The following KIAA1549 variants were observed in gnomAD, a reference collection of about 807,000 sequenced individuals.
KIAA1549 encodes the protein KIAA1549, also known as UPF0606 protein KIAA1549.
Under a neutral mutation model 156.4 loss-of-function variants are expected in KIAA1549, and 70 were observed. The ratio of observed to expected loss-of-function variants is 0.45; its 90% confidence interval spans 0.37 to 0.55. The LOEUF is 0.55. KIAA1549 is among the 20% of genes least tolerant of loss of function. The pLI, the probability that KIAA1549 is intolerant of heterozygous loss-of-function variation, is 0.00. For missense variants in KIAA1549, 2,428 were observed against 2,540.9 expected (o/e 0.96, Z 0.96); for synonymous variants, 1,103 against 1,066.4 (o/e 1.03, Z -0.67).
chr7:138,915,391 T>C (rs1211415458), intron 2 of KIAA1549, among the ~76,000 whole-genome samples: 1 of 152,046 alleles, frequency 6.6e-6, no homozygotes, highest in Non-Finnish European at 1.5e-5. Context: ...ACCTCACACA[T>C]ACTAGGTGCT....
chr7:138,967,437 G>C (rs1316140113), intron 1 of KIAA1549, among the ~76,000 whole-genome samples: 1 of 152,178 alleles, frequency 6.6e-6, no homozygotes, highest in African/African-American at 2.4e-5. Context: ...GAAAGTTCTA[G>C]GCAGAGGGAA....
chr7:138,915,646 C>A (rs1171706592), intron 2 of KIAA1549, among the ~76,000 whole-genome samples: 1 of 152,060 alleles, frequency 6.6e-6, no homozygotes, highest in African/African-American at 2.4e-5. Flanking sequence ...TCCTTCTCCC[C>A]CTTCCACATT....
chr7:138,903,794 T>C (rs1387875760), intron 7 of KIAA1549, 58 bp from the exon 8 acceptor site: 8 of 10,866 alleles, frequency 7.4e-4, no homozygotes, highest in Non-Finnish European at 1.2e-3. Flanking sequence ...AAAAAAACAG[T>C]GTGTGTGTGT....
chr7:138,905,077 G>A lies in KIAA1549; in HGVS notation c.3465C>T (p.Phe1155=), dbSNP rs1382020426. ...GAGATAAGTTGAGCTGTGGATACTGGAAGGCTACAAAAGGGAAAGAATTAG... is the reference window on the plus strand; with the variant it reads ...GAGATAAGTTGAGCTGTGGATACTGAAAGGCTACAAAAGGGAAAGAATTAG... The part of the protein sequence containing the change: ...GYPVLQIAEP[F]QYPQLNLSQL... Residue 1155 remains phenylalanine (F), a synonymous_variant, in exon 7 of 20, where the codon TTC becomes TTT. Coordinates refer to ENST00000422774, the MANE Select transcript of KIAA1549 (RefSeq NM_001164665.2). The A allele has an allele frequency of 1.3e-6, 2 of 1,571,608 alleles. No homozygotes were observed. The highest frequency in any genetic ancestry group is 1.3e-5 in the African/African-American group (1 of 74,094).
chr7:138,881,754 A>G (rs1159502627), intron 10 of KIAA1549, among the ~76,000 whole-genome samples, 170 bp from the exon 11 acceptor site: 1 of 152,224 alleles, frequency 6.6e-6, no homozygotes, highest in Non-Finnish European at 1.5e-5. Context: ...GAGTTCCAGG[A>G]GAAGACAGGC....
chr7:138,904,020 C>T (rs995019948), intron 7 of KIAA1549, among the ~76,000 whole-genome samples: 2 of 152,176 alleles, frequency 1.3e-5, no homozygotes, highest in Non-Finnish European at 2.9e-5. Context: ...CCCAGACTGG[C>T]GGCCAGAAGT....
chr7:138,930,299 CAG>C (rs1812834649), intron 1 of KIAA1549, among the ~76,000 whole-genome samples: 1 of 152,146 alleles, frequency 6.6e-6, no homozygotes, highest in Admixed American at 6.6e-5. Context: ...TTAAGGGCCC[CAG>C]ACTTTTCAGA....
In KIAA1549 at chr7:138,861,305, G is replaced by A. The variant is rs1810566526; in HGVS notation, c.5081C>T (p.Ala1694Val). 1 of 1,609,142 alleles carries A rather than the reference G, an allele frequency of 6.2e-7. No individual in the cohort carries two copies. ...GCTGCTGGGGGCCACGAGGGCAAAGGCGTCGTCCAGGAGGGAGTGCATGGT... is the reference window on the plus strand; with the variant it reads ...GCTGCTGGGGGCCACGAGGGCAAAGACGTCGTCCAGGAGGGAGTGCATGGT... Reference protein sequence around the residue: ...RQTMHSLLDDAFALVAPSSQP... With the variant: ...RQTMHSLLDDVFALVAPSSQP... Residue 1694 changes from alanine (A) to valine (V), a missense_variant, in exon 16 of 20, where the codon GCC becomes GTC. Physicochemically the swap from Ala to Val is moderately conservative, Grantham distance 64. Around this residue, in one of 5 missense-constraint regions of KIAA1549, gnomAD observed 363 missense variants for 354.0 expected, o/e 1.03. Transcript: ENST00000422774.
At chr7:138,862,434 G>T (rs1332974562) in intron 15 of KIAA1549, among the ~76,000 whole-genome samples, 3 of 151,486 alleles carry the variant, frequency 2.0e-5, no homozygotes, top group Non-Finnish European at 4.4e-5. Context: ...AGCCCAGGAG[G>T]TCGAGGTTGC....
At chr7:138,844,107 G>C (rs1261064617) in intron 18 of KIAA1549, among the ~76,000 whole-genome samples, 2 of 152,100 alleles carry the variant, frequency 1.3e-5, no homozygotes, top group Middle Eastern at 3.2e-3. Flanking sequence ...TCACATGAAG[G>C]GCCTGGTTCC....
chr7:138,841,134 C>T (rs1048063916), intron 18 of KIAA1549, among the ~76,000 whole-genome samples: 5 of 152,052 alleles, frequency 3.3e-5, no homozygotes, highest in African/African-American at 1.2e-4. Context: ...AGGAGCAGCT[C>T]ATTTATTAAG....
intron 10 of KIAA1549, among the ~76,000 whole-genome samples, chr7:138,890,318 T>C (rs764387060): frequency 6.6e-6 from 1 of 151,914 alleles, no homozygotes; most frequent in Non-Finnish European, 1.5e-5. Context: ...TGGGAAGGAG[T>C]TGAGATGACA....
Position 138,908,960 on chromosome 7 carries a change from C to T in KIAA1549, c.3276+31G>A, listed in dbSNP as rs376773173. ...ACAATTTCCCCTTCAAGGGCTAAAG[C>T]CTTCTGCTCTGCATTCAGTGATATT... On this transcript the variant is annotated intron_variant, in intron 5 of 19. Coordinates refer to ENST00000422774, the MANE Select transcript of KIAA1549 (RefSeq NM_001164665.2). 53 of 1,612,202 alleles carry T rather than the reference C, an allele frequency of 3.3e-5. No individual in the cohort carries two copies. The African/African-American group carries it at 6.9e-4, about 21-fold the overall frequency.
intron 1 of KIAA1549, among the ~76,000 whole-genome samples, chr7:138,942,934 G>A (rs2130526292): frequency 6.6e-6 from 1 of 151,524 alleles, no homozygotes; most frequent in Non-Finnish European, 1.5e-5. Flanking sequence ...TAAGCTGGAG[G>A]TTGGACCAGA....
At chr7:138,855,363 G>T (rs753412327) in intron 16 of KIAA1549, among the ~76,000 whole-genome samples, 1 of 152,206 alleles carries the variant, frequency 6.6e-6, no homozygotes, top group Non-Finnish European at 1.5e-5. Context: ...CCTATCAGCT[G>T]CCATGCTGTG....
Position 138,903,660 on chromosome 7 carries a change from C to A in KIAA1549, c.3597G>T (p.Leu1199=). 1 of 1,612,614 alleles carries A rather than the reference C, an allele frequency of 6.2e-7. No homozygotes were observed. The highest frequency in any genetic ancestry group is 8.5e-7 in the Non-Finnish European group (1 of 1,179,416). The change falls in exon 8 of 20, where the codon CTG becomes CTT. Residue 1199 remains leucine (L), a synonymous_variant. Transcript: ENST00000422774. ...GCCTTCTGGTGGAAACCTCGCTGAG[C>A]AGCTGGGCCAGCTTGCGTTCCATCT... ...QAEMERKLAQ[L]LSEVSTRRRM... is the part of the protein sequence containing the mutation.
intron 12 of KIAA1549, among the ~76,000 whole-genome samples, chr7:138,875,424 C>T (rs1448818527): frequency 3.3e-5 from 5 of 151,824 alleles, no homozygotes; most frequent in East Asian, 3.9e-4. Flanking sequence ...GCAGGAGGAT[C>T]GCTTGAGCCC....
intron 12 of KIAA1549, chr7:138,876,353 T>C (rs1355369223): frequency 6.6e-6 from 1 of 152,214 alleles, no homozygotes; most frequent in Non-Finnish European, 1.5e-5. Flanking sequence ...ACTCTTTTAA[T>C]TTTTTTAAAA....
At position 138,867,554 on chromosome 7, in the gene KIAA1549, CA is replaced by C. The variant is rs925674502; in HGVS notation, c.4929+420del. Among the ~76,000 whole-genome samples the C allele has an allele frequency of 1.4e-3, 150 of 111,024 alleles. No individual in the cohort carries two copies. In the Middle Eastern group the frequency reaches 0.024, roughly 18 times the overall value. The allele number at this position is 111,024 out of a possible 152,430, so 72.8% of individuals were successfully genotyped here. On this transcript the variant is annotated intron_variant, in intron 15 of 19. Coordinates refer to ENST00000422774, the MANE Select transcript of KIAA1549 (RefSeq NM_001164665.2). ...TGGGCAACAGAGTAAGACCCTGTCC[CA>C]AAAAAAAAAAATAATAAAAATAAAC... is the stretch of plus-strand genomic sequence containing the variant.
Sources: gnomAD v4.1 joint callset for allele counts (sites outside exome capture counted in the v4.1 genomes callset) on GRCh38, gnomAD v4.1.1 for gene constraint, gnomAD v4.1.1 regional missense constraint, MANE v1.5 for transcripts, NCBI Gene and HGNC (gene_info 2026-07-23, HGNC 2026-07-21) for gene names.